Variants in FAM13B observed in about 807,000 individuals in gnomAD.
The protein encoded by FAM13B is family with sequence similarity 13 member B, also known as protein FAM13B.
A neutral mutation model predicts 117.3 loss-of-function variants in FAM13B; 60 were observed. That is an observed-to-expected ratio of 0.51 (90% CI 0.42 to 0.63). FAM13B has a LOEUF of 0.63. FAM13B is among the 30% of genes least tolerant of loss of function. The probability of loss-of-function intolerance (pLI) is 0.00; values close to 1 mark genes in which losing one functional copy is unlikely to be tolerated. For synonymous variants in FAM13B, 332 were observed against 356.1 expected (o/e 0.93, Z 0.76); for missense variants, 972 against 1,091.9 (o/e 0.89, Z 1.55).
At chr5:138,004,922 T>C (rs984458278) in intron 7 of FAM13B, among the ~76,000 whole-genome samples, 1 of 152,144 alleles carries the variant, frequency 6.6e-6, no homozygotes, top group South Asian at 2.1e-4. Context: ...GGCCACCTTA[T>C]TGGAGAGCAG....
chr5:138,017,503 C>A (rs1007258463), intron 4 of FAM13B, among the ~76,000 whole-genome samples: 1 of 151,964 alleles, frequency 6.6e-6, no homozygotes, highest in African/African-American at 2.4e-5. Context: ...TCCATAATAC[C>A]AAAAAAGCCT....
Position 138,047,517 on chromosome 5 carries a change from A to T in FAM13B, c.-203+4361T>A, listed in dbSNP as rs533870289. 5.1e-3 allele frequency among the ~76,000 whole-genome samples: 732 copies of T among 144,690 alleles called. 6 individuals are homozygous for T. Among genetic ancestry groups the T allele is most frequent in the African/African-American group, 0.017 (693 of 39,788 alleles). 94.9% of individuals were successfully genotyped at this position (144,690 alleles called of 152,430 possible). ...AAGACTCCATCTCAAAAAAAAAAAA[A>T]TGAAGATGTCCACATTCTATTCCCT... is the stretch of plus-strand genomic sequence containing the variant. On this transcript the variant is annotated intron_variant, in intron 1 of 3. Coordinates refer to the FAM13B transcript ENST00000502471.
At chr5:137,986,514 A>T (rs1471723679) in intron 9 of FAM13B, among the ~76,000 whole-genome samples, 3 of 152,092 alleles carry the variant, frequency 2.0e-5, no homozygotes, top group Non-Finnish European at 4.4e-5. Context: ...CCTGAAATAC[A>T]GGACTGAAGT....
Position 137,940,387 on chromosome 5 carries a change from A to G in FAM13B, c.2691-39T>C, listed in dbSNP as rs374194145. 4 of 1,481,030 alleles carry G rather than the reference A, an allele frequency of 2.7e-6. No homozygotes were observed. The African/African-American group carries it at 5.7e-5, about 21-fold the overall frequency. The allele number at this position is 1,481,030 out of a possible 1,614,324, so 91.7% of individuals were successfully genotyped here. On this transcript the variant is annotated intron_variant, in intron 23 of 23. Coordinates refer to ENST00000689681, the MANE Select transcript of FAM13B (RefSeq NM_001385994.1). The stretch of plus-strand genomic sequence containing the variant: ...TAAAATTTGTAATGTTCTAGAGATC[A>G]TTTGGAAAAAAAGATCCAAAAGTTG...
chr5:137,988,950 A>C (rs751018741), intron 7 of FAM13B, among the ~76,000 whole-genome samples: 1 of 152,212 alleles, frequency 6.6e-6, no homozygotes, highest in Non-Finnish European at 1.5e-5. Context: ...TCTATTTCCA[A>C]AGCTGGAGGG....
In FAM13B at chr5:137,940,061, C is replaced by T. The variant is rs1221804323; in HGVS notation, c.*164G>A. On this transcript the variant is annotated 3_prime_UTR_variant, in exon 24 of 24. Coordinates refer to ENST00000689681, the MANE Select transcript of FAM13B (RefSeq NM_001385994.1). ...ACTTACGCTCCCTTGAGAGGGCCTA[C>T]TTACTCTCCCATCATTTGTTTTGTT... 1 of 1,613,896 alleles carries T rather than the reference C, an allele frequency of 6.2e-7. No individual in the cohort carries two copies. The highest frequency in any genetic ancestry group is 8.5e-7 in the Non-Finnish European group (1 of 1,179,936).
At chr5:137,986,662 C>T (rs1777321158) in intron 9 of FAM13B, among the ~76,000 whole-genome samples, 2 of 152,174 alleles carry the variant, frequency 1.3e-5, no homozygotes, top group South Asian at 2.1e-4. Context: ...GGAAAAGCTT[C>T]GGACCAGAAG....
chr5:138,017,761 C>T (rs1273274004), intron 4 of FAM13B, among the ~76,000 whole-genome samples: 1 of 152,122 alleles, frequency 6.6e-6, no homozygotes, highest in African/African-American at 2.4e-5. Flanking sequence ...AACAAAGATA[C>T]ATCTTTTTTT....
Position 138,042,142 on chromosome 5 carries a change from A to T in FAM13B, c.-203+9736T>A, listed in dbSNP as rs930704634. On this transcript the variant is annotated intron_variant, in intron 1 of 3. Transcript: ENST00000502471. ...AGCAATGATAGAATGATGAATGATT[A>T]ATACAGTATGGTATCTTCATACCAT... Among the ~76,000 whole-genome samples, 12 of 152,358 alleles carry T rather than the reference A, an allele frequency of 7.9e-5. No homozygotes were observed. The East Asian group carries it at 2.3e-3, about 29-fold the overall frequency.
chr5:138,009,993 G>GT, intron 6 of FAM13B, among the ~76,000 whole-genome samples: 1 of 151,872 alleles, frequency 6.6e-6, no homozygotes, highest in East Asian at 1.9e-4. Context: ...TTGTTTGTTT[G>GT]TTTTTAAGAT....
chr5:138,033,133 C>T (rs1790643778), upstream of FAM13B: 2 of 156,986 alleles, frequency 1.3e-5, no homozygotes, highest in African/African-American at 2.6e-5. Context: ...CGGGGCAGGC[C>T]GCTGGTGGGG....
At chr5:138,012,584 C>G (rs1260245299) in intron 4 of FAM13B, among the ~76,000 whole-genome samples, 1 of 152,152 alleles carries the variant, frequency 6.6e-6, no homozygotes, top group African/African-American at 2.4e-5. Context: ...AACTTTATCA[C>G]ACAAGTTAGG....
At chr5:137,979,922 G>A (rs192955409) in intron 10 of FAM13B, among the ~76,000 whole-genome samples, 1 of 151,948 alleles carries the variant, frequency 6.6e-6, no homozygotes, top group Admixed American at 6.6e-5. Flanking sequence ...AGCACTTTGG[G>A]AGGCCAAGGC....
At chr5:137,985,107 C>G (rs957613491) in intron 10 of FAM13B, 150 bp downstream of exon 10, 2 of 840,922 alleles carry the variant, frequency 2.4e-6, no homozygotes, top group Non-Finnish European at 3.6e-6. Flanking sequence ...GTGATGTTTC[C>G]TAAACTCTGA....
chr5:138,040,377 G>A (rs1791456025), intron 1 of FAM13B, among the ~76,000 whole-genome samples: 1 of 151,356 alleles, frequency 6.6e-6, no homozygotes, highest in Non-Finnish European at 1.5e-5. Flanking sequence ...AGACCAGCCT[G>A]GCCAATATGG....
At chr5:137,976,001 A>G (rs1773857519) in intron 10 of FAM13B, among the ~76,000 whole-genome samples, 1 of 22,466 alleles carries the variant, frequency 4.5e-5, no homozygotes. Context: ...TTTTTGAGAC[A>G]GTCTTGCTCT....
At chr5:138,026,930 C>T (rs1464087220) in intron 1 of FAM13B, among the ~76,000 whole-genome samples, 1 of 144,260 alleles carries the variant, frequency 6.9e-6, no homozygotes, top group Admixed American at 7.1e-5. Context: ...CAAAGAAAGA[C>T]TCCATCTCAA....
intron 7 of FAM13B, among the ~76,000 whole-genome samples, chr5:137,996,092 A>G (rs544039340): frequency 1.3e-5 from 2 of 152,224 alleles, no homozygotes; most frequent in African/African-American, 4.8e-5. Flanking sequence ...CTGAAGGCAT[A>G]TTTTCTCAGT....
At chr5:137,996,424 C>T (rs1236519500) in intron 7 of FAM13B, among the ~76,000 whole-genome samples, 2 of 152,090 alleles carry the variant, frequency 1.3e-5, no homozygotes, top group East Asian at 3.9e-4. Context: ...CAGGCGTGAG[C>T]CACGGCGCCT....
Sources: gnomAD v4.1 joint callset for allele counts (sites outside exome capture counted in the v4.1 genomes callset) on GRCh38, gnomAD v4.1.1 for gene constraint, MANE v1.5 for transcripts, NCBI Gene and HGNC (gene_info 2026-07-23, HGNC 2026-07-21) for gene names.